Variants in ATP8A2 observed in about 807,000 individuals in gnomAD.
ATP8A2 encodes phospholipid-transporting ATPase IB.
In ATP8A2, 100 loss-of-function variants were observed where a neutral mutation model predicts 165.6. The observed-to-expected ratio is 0.60, with a 90% CI of 0.51 to 0.71. ATP8A2 has a LOEUF of 0.71. Among genes scored for constraint, ATP8A2 ranks in the 30% least tolerant of loss-of-function variants. The pLI, the probability that ATP8A2 is intolerant of heterozygous loss-of-function variation, is 0.00. For missense variants in ATP8A2, 1,227 were observed against 1,479.5 expected, an observed-to-expected ratio of 0.83 and a Z score of 2.80; for synonymous variants, 543 against 548.8, an observed-to-expected ratio of 0.99 and a Z score of 0.15.
At chr13:25,701,912 T>A (rs2042959634) in intron 25 of ATP8A2, among the ~76,000 whole-genome samples, 1 of 152,112 alleles carries the variant, frequency 6.6e-6, no homozygotes, top group Non-Finnish European at 1.5e-5. Flanking sequence ...GTCTACAAAA[T>A]GGAAGCATTA....
At chr13:25,732,635 G>T (rs1267667947) in intron 25 of ATP8A2, among the ~76,000 whole-genome samples, 3 of 152,190 alleles carry the variant, frequency 2.0e-5, no homozygotes. Flanking sequence ...GTTGAGTCCT[G>T]TGTGATGTAC....
intron 1 of ATP8A2, among the ~76,000 whole-genome samples, chr13:25,390,164 T>G (rs1040738784): frequency 1.3e-5 from 2 of 152,154 alleles, no homozygotes; most frequent in Non-Finnish European, 2.9e-5. Context: ...CAGCTAATTT[T>G]TGTATTTTTA....
At chr13:25,386,321 G>A (rs2033043348) in intron 1 of ATP8A2, among the ~76,000 whole-genome samples, 2 of 152,146 alleles carry the variant, frequency 1.3e-5, no homozygotes, top group African/African-American at 2.4e-5. Flanking sequence ...TGTGATGATG[G>A]TGCTTCGTTA....
Position 25,524,168 on chromosome 13 carries a change from C to G in ATP8A2, c.222-5831C>G, listed in dbSNP as rs543928774. ...TAATTTCCATGGGTTTGTGTAGTTT[C>G]CAGGGTTCTTATTGTTATTGATTTC... On this transcript the variant is annotated intron_variant, in intron 2 of 36. Coordinates refer to ENST00000381655, the MANE Select transcript of ATP8A2 (RefSeq NM_016529.6). Among the ~76,000 whole-genome samples, 3 of 151,916 alleles carry G rather than the reference C, an allele frequency of 2.0e-5. No homozygotes were observed. In the South Asian group the frequency reaches 6.2e-4, roughly 32 times the overall value.
chr13:25,688,869 C>T lies in ATP8A2; in HGVS notation c.2212-10304C>T, dbSNP rs58383067. Reference sequence around the variant, plus strand: ...AAATGTGAGCCTGTGCTCCCATTTTCGTCCTATGGCTATGATCTTCACTGC... The same window carrying T: ...AAATGTGAGCCTGTGCTCCCATTTTTGTCCTATGGCTATGATCTTCACTGC... On this transcript the variant is annotated intron_variant, in intron 24 of 36. Transcript: ENST00000381655. Among the ~76,000 whole-genome samples the T allele has an allele frequency of 8.0e-3, 1,210 of 150,606 alleles. 16 individuals are homozygous for T. The highest frequency in any genetic ancestry group is 0.028 in the African/African-American group (1,150 of 41,252).
intron 35 of ATP8A2, among the ~76,000 whole-genome samples, chr13:25,987,042 G>A (rs1382173543): frequency 6.6e-6 from 1 of 152,164 alleles, no homozygotes; most frequent in African/African-American, 2.4e-5. Context: ...GTAATAATAT[G>A]TAAATAATTA....
At chr13:25,544,004 G>A (rs934788852) in intron 10 of ATP8A2, among the ~76,000 whole-genome samples, 4 of 152,152 alleles carry the variant, frequency 2.6e-5, no homozygotes, top group Non-Finnish European at 4.4e-5. Flanking sequence ...GTATCACTTG[G>A]CATCTTATTT....
intron 22 of ATP8A2, 86 bp from the exon 23 acceptor site, chr13:25,581,733 G>C: frequency 7.8e-7 from 1 of 1,287,028 alleles, no homozygotes; most frequent in South Asian, 1.2e-5. Flanking sequence ...TCTCAGAACC[G>C]TTTGATTGCC....
chr13:25,872,391 T>C (rs75453529), intron 33 of ATP8A2, among the ~76,000 whole-genome samples: 2,238 of 152,220 alleles, frequency 0.015, 49 homozygotes, highest in African/African-American at 0.048. Context: ...GCCATCAGCA[T>C]TGAGCACACC....
chr13:25,599,259 C>T (rs918565774), intron 24 of ATP8A2, among the ~76,000 whole-genome samples: 3 of 152,192 alleles, frequency 2.0e-5, no homozygotes, highest in African/African-American at 4.8e-5. Context: ...AGCTCCTAGC[C>T]ACCCAGCATT....
intron 22 of ATP8A2, among the ~76,000 whole-genome samples, chr13:25,581,130 C>T (rs1350222330): frequency 6.6e-6 from 1 of 152,094 alleles, no homozygotes; most frequent in Admixed American, 6.5e-5. Context: ...TGGATCTTCC[C>T]ACAGTCTGTG....
At chr13:25,444,150 A>T (rs2035008675) in intron 1 of ATP8A2, among the ~76,000 whole-genome samples, 2 of 152,156 alleles carry the variant, frequency 1.3e-5, no homozygotes, top group South Asian at 4.1e-4. Flanking sequence ...TCCATAGATT[A>T]GTTTGCCTTT....
intron 24 of ATP8A2, among the ~76,000 whole-genome samples, chr13:25,668,543 T>C (rs2042201631): frequency 1.3e-5 from 2 of 152,302 alleles, no homozygotes; most frequent in South Asian, 2.1e-4. Context: ...TTTGTTGAGC[T>C]TTGTGGATAT....
At chr13:25,576,071 C>A (rs2039610167) in intron 19 of ATP8A2, among the ~76,000 whole-genome samples, 1 of 152,270 alleles carries the variant, frequency 6.6e-6, no homozygotes, top group Middle Eastern at 3.4e-3. Flanking sequence ...AATACTCCCG[C>A]GAAGTACTTG....
intron 1 of ATP8A2, among the ~76,000 whole-genome samples, chr13:25,415,091 G>A (rs990395087): frequency 6.6e-6 from 1 of 152,214 alleles, no homozygotes; most frequent in South Asian, 2.1e-4. Flanking sequence ...ACAGCAATGA[G>A]AGTTTCTAAG....
At chr13:25,715,188 A>G (rs1027790792) in intron 25 of ATP8A2, among the ~76,000 whole-genome samples, 1 of 152,158 alleles carries the variant, frequency 6.6e-6, no homozygotes, top group Non-Finnish European at 1.5e-5. Flanking sequence ...GTAGTGCAAG[A>G]TGAGGCTGGA....
chr13:25,828,135 T>C lies in ATP8A2; in HGVS notation c.2697T>C (p.Val899=). ...TCTTTCAGCTTTGGTTCGCCTTTGT[T>C]AATGGATTTTCTGGGCAGATTTTAT... ...LYIIELWFAF[V]NGFSGQILFE... is the part of the protein sequence containing the mutation. Residue 899 remains valine (V), a synonymous_variant, in exon 28 of 37, where the codon GTT becomes GTC. Transcript: ENST00000381655. 1 of 1,614,150 alleles carries C rather than the reference T, an allele frequency of 6.2e-7. No individual in the cohort carries two copies. The highest frequency in any genetic ancestry group is 8.5e-7 in the Non-Finnish European group (1 of 1,179,964).
Position 25,533,161 on chromosome 13 carries a change from T to G in ATP8A2, c.467-112T>G, listed in dbSNP as rs533134198. ...GATGTTATGCCATCATGGCTAAAGA[T>G]AGGGTATGTTAGAATTAATAAATGG... On this transcript the variant is annotated intron_variant, in intron 5 of 36. Transcript: ENST00000381655. 1.8e-5 allele frequency: 12 copies of G among 672,420 alleles called. No individual in the cohort carries two copies. In the East Asian group the frequency reaches 3.3e-4, roughly 18 times the overall value. The allele number at this position is 672,420 out of a possible 1,614,324, so 41.7% of individuals were successfully genotyped here.
intron 24 of ATP8A2, among the ~76,000 whole-genome samples, chr13:25,669,429 G>A (rs11619947): frequency 0.25 from 38,140 of 152,092 alleles, 5,163 homozygotes; most frequent in South Asian, 0.45. Context: ...TTGCAGCTTA[G>A]TTCTGACCTA....
Sources: allele counts gnomAD v4.1 joint callset (sites outside exome capture counted in the v4.1 genomes callset), GRCh38; gene constraint gnomAD v4.1.1; transcripts MANE v1.5; gene names NCBI Gene and HGNC (gene_info 2026-07-23, HGNC 2026-07-21).